GDF2: variants seen among roughly 807,000 people sequenced by gnomAD.
GDF2 encodes the protein growth/differentiation factor 2.
Under a neutral mutation model 16.9 loss-of-function variants are expected in GDF2, and 17 were observed. The ratio of observed to expected loss-of-function variants is 1.00; its 90% CI spans 0.69 to 1.51. The LOEUF is 1.51. Among genes scored for constraint, GDF2 ranks in the 40% most tolerant of loss-of-function variants. GDF2 has a pLI of 0.00. For missense variants in GDF2, 523 were observed against 556.3 expected (o/e 0.94, Z 0.60); for synonymous variants, 276 against 237.6 (o/e 1.16, Z -1.49).
chr10:47,323,364 C>T (rs1297271174), intron 1 of GDF2, among the ~76,000 whole-genome samples: 1 of 152,150 alleles, frequency 6.6e-6, no homozygotes, highest in Non-Finnish European at 1.5e-5. Flanking sequence ...CTTCTCTTTA[C>T]TCTCCTCTTC....
In GDF2 at chr10:47,322,660, G is replaced by C; in HGVS notation, c.-9G>C. The C allele has an allele frequency of 3.3e-6, 5 of 1,501,846 alleles. No individual in the cohort carries two copies. In the South Asian group the frequency reaches 6.7e-5, roughly 20 times the overall value. 93.0% of individuals were successfully genotyped at this position (1,501,846 alleles called of 1,614,324 possible). A position where few individuals can be genotyped will look rare whatever the true frequency, so the allele number is the denominator to read the frequency against. ...CAGTCTCCTCTCTGGGTGATTGCGC[G>C]GGCCTAAGATGTGTCCTGGGGCACT... On this transcript the variant is annotated 5_prime_UTR_variant, in exon 1 of 2. Coordinates refer to ENST00000581492, the MANE Select transcript of GDF2 (RefSeq NM_016204.4).
chr10:47,326,711 A>G lies in GDF2; in HGVS notation c.*927A>G, dbSNP rs543897236. 7.9e-5 allele frequency among the ~76,000 whole-genome samples: 12 copies of G among 152,316 alleles called. No individual in the cohort carries two copies. The highest frequency in any genetic ancestry group is 1.3e-4 in the Non-Finnish European group (9 of 68,024). On this transcript the variant is annotated 3_prime_UTR_variant, in exon 2 of 2. Transcript: ENST00000581492. Reference sequence around the variant, plus strand: ...GTGCACACAGGGCCATTCACTGTCCATAGACTGAAACCATGTGACCATTTG... The same window carrying G: ...GTGCACACAGGGCCATTCACTGTCCGTAGACTGAAACCATGTGACCATTTG...
In GDF2 at chr10:47,322,864, T is replaced by G. The variant is rs1201804010; in HGVS notation, c.196T>G (p.Phe66Val). ...KMFLENVKVD[F>V]LRSLNLSGVP... ...GTTTCTGGAGAACGTGAAGGTGGATTTCCTGCGCAGCCTTAACCTGAGTGG... is the reference window on the plus strand; with the variant it reads ...GTTTCTGGAGAACGTGAAGGTGGATGTCCTGCGCAGCCTTAACCTGAGTGG... The change falls in exon 1 of 2, where the codon TTC (phenylalanine) becomes GTC (valine). Residue 66 changes from phenylalanine to valine, a missense_variant. Coordinates refer to ENST00000581492, the MANE Select transcript of GDF2 (RefSeq NM_016204.4). The G allele has an allele frequency of 6.2e-7, 1 of 1,614,044 alleles. No individual in the cohort carries two copies. Among genetic ancestry groups the G allele is most frequent in the African/African-American group, 1.3e-5 (1 of 74,944 alleles).
In GDF2 at chr10:47,322,522, C is replaced by T. The variant is rs782217688; in HGVS notation, c.-147C>T. 19 of 591,558 alleles carry T rather than the reference C, an allele frequency of 3.2e-5. No homozygotes were observed. The highest frequency in any genetic ancestry group is 4.9e-5 in the Non-Finnish European group (17 of 348,412). 36.6% of individuals were successfully genotyped at this position (591,558 alleles called of 1,614,324 possible). On this transcript the variant is annotated 5_prime_UTR_variant, in exon 1 of 2. Coordinates refer to ENST00000581492, the MANE Select transcript of GDF2 (RefSeq NM_016204.4). ...AGTGGAGGACAATCCAGCCCGGCAG[C>T]GGGTGAGAGTGGGTGCTGGCCAGGA...
rs915440591 is a variant in GDF2, at chr10:47,323,015, G to T, written c.346+1G>T. The T allele has an allele frequency of 2.5e-6, 4 of 1,588,466 alleles. No homozygotes were observed. The highest frequency in any genetic ancestry group is 3.4e-6 in the Non-Finnish European group (4 of 1,161,262). On this transcript the variant is annotated splice_donor_variant, in intron 1 of 1. Coordinates refer to ENST00000581492, the MANE Select transcript of GDF2 (RefSeq NM_016204.4). LOFTEE classifies it high-confidence loss of function. ...ATTGTGCGGAGCTTCAGCATGGAAG[G>T]TAGGGTCTCCGCTTGCACCATGCGC...
In GDF2 at chr10:47,323,016, T is replaced by A; in HGVS notation, c.346+2T>A. The A allele has an allele frequency of 6.3e-7, 1 of 1,587,404 alleles. No homozygotes were observed. Among genetic ancestry groups the A allele is most frequent in the Non-Finnish European group, 8.6e-7 (1 of 1,160,676 alleles). On this transcript the variant is annotated splice_donor_variant, in intron 1 of 1. Transcript: ENST00000581492. LOFTEE classifies it high-confidence loss of function. ...TTGTGCGGAGCTTCAGCATGGAAGGTAGGGTCTCCGCTTGCACCATGCGCG... is the reference window on the plus strand; with the variant it reads ...TTGTGCGGAGCTTCAGCATGGAAGGAAGGGTCTCCGCTTGCACCATGCGCG...
rs566684374 is a variant in GDF2, at chr10:47,327,083, C to T, written c.*1299C>T. ...TTGAGTCACGTGCATCCCAGCACCC[C>T]GCCTGGGCTCGGACTGTGGGACCAG... On this transcript the variant is annotated 3_prime_UTR_variant, in exon 2 of 2. Transcript: ENST00000581492. Among the ~76,000 whole-genome samples the T allele has an allele frequency of 1.3e-4, 20 of 152,332 alleles. No individual in the cohort carries two copies. The South Asian group carries it at 3.3e-3, about 25-fold the overall frequency.
intron 1 of GDF2, among the ~76,000 whole-genome samples, chr10:47,323,924 C>T (rs1588851344): frequency 6.6e-6 from 1 of 152,364 alleles, no homozygotes; most frequent in East Asian, 1.9e-4. Context: ...CATACCACGC[C>T]CAGGCCAGAC....
chr10:47,325,682 C>A lies in GDF2; in HGVS notation c.1188C>A (p.Thr396=), dbSNP rs1555209087. The A allele has an allele frequency of 1.2e-6, 2 of 1,608,944 alleles. No homozygotes were observed. Among genetic ancestry groups the A allele is most frequent in the Admixed American group, 3.3e-5 (2 of 59,830 alleles). ...TGGGCAAGGCCTGCTGTGTGCCCAC[C>A]AAACTGAGCCCCATCTCCGTCCTCT... ...TKVGKACCVP[T]KLSPISVLYK... The change falls in exon 2 of 2, where the codon ACC becomes ACA. Residue 396 remains threonine, a synonymous_variant. Transcript: ENST00000581492.
In GDF2 at chr10:47,322,801, G is replaced by A; in HGVS notation, c.133G>A (p.Gly45Arg). The A allele has an allele frequency of 3.1e-6, 5 of 1,613,872 alleles. No homozygotes were observed. Among genetic ancestry groups the A allele is most frequent in the Non-Finnish European group, 4.2e-6 (5 of 1,179,884 alleles). ...GNAHSPLGVP[G>R]GGLPEHTFNL... is the part of the protein sequence containing the mutation. ...CGCCCACAGCCCACTGGGGGTGCCT[G>A]GAGGTGGGCTGCCTGAGCACACCTT... The change falls in exon 1 of 2, where the codon GGA becomes AGA. Residue 45 changes from glycine (G) to arginine (R), a missense_variant. By Grantham distance (125) the Gly-to-Arg change is moderately radical. Coordinates refer to ENST00000581492, the MANE Select transcript of GDF2 (RefSeq NM_016204.4).
Position 47,326,015 on chromosome 10 carries a change from T to G in GDF2, c.*231T>G. The stretch of plus-strand genomic sequence containing the variant: ...CAACAGGAAAGCCTGGGAGGGTTGT[T>G]GGGATGCAAGGAGGTGATGAAAAGG... On this transcript the variant is annotated 3_prime_UTR_variant, in exon 2 of 2. Coordinates refer to ENST00000581492, the MANE Select transcript of GDF2 (RefSeq NM_016204.4). 2.3e-6 allele frequency: 1 copy of G among 437,076 alleles called. No homozygotes were observed. The highest frequency in any genetic ancestry group is 3.3e-5 in the East Asian group (1 of 30,300). 27.1% of individuals were successfully genotyped at this position (437,076 alleles called of 1,614,324 possible).
Position 47,322,915 on chromosome 10 carries a change from G to A in GDF2, c.247G>A (p.Val83Met). The A allele has an allele frequency of 6.2e-7, 1 of 1,614,160 alleles. No individual in the cohort carries two copies. ...GGTCCCTTCGCAGGACAAAACCAGGGTGGAGCCGCCGCAGTACATGATTGA... is the reference window on the plus strand; with the variant it reads ...GGTCCCTTCGCAGGACAAAACCAGGATGGAGCCGCCGCAGTACATGATTGA... Reference protein sequence around the residue: ...SGVPSQDKTRVEPPQYMIDLY... With the variant: ...SGVPSQDKTRMEPPQYMIDLY... The change falls in exon 1 of 2, where the codon GTG becomes ATG. Residue 83 changes from valine to methionine, a missense_variant. Val to Met is a conservative substitution (Grantham distance 21). Coordinates refer to ENST00000581492, the MANE Select transcript of GDF2 (RefSeq NM_016204.4).
In GDF2 at chr10:47,325,971, G is replaced by A. The variant is rs952690398; in HGVS notation, c.*187G>A. 38 of 500,270 alleles carry A rather than the reference G, an allele frequency of 7.6e-5. No homozygotes were observed. Among genetic ancestry groups the A allele is most frequent in the African/African-American group, 7.0e-4 (37 of 52,738 alleles). The allele number at this position is 500,270 out of a possible 1,614,324, so 31.0% of individuals were successfully genotyped here. On this transcript the variant is annotated 3_prime_UTR_variant, in exon 2 of 2. Coordinates refer to ENST00000581492, the MANE Select transcript of GDF2 (RefSeq NM_016204.4). ...GAGCTCAACTGCCAGGGAAGGCTAA[G>A]GAAATGGGGATTTGAGCACAACAGG...
rs1555208738 is a variant in GDF2 at position 47,322,996 on chromosome 10, C to A, written c.328C>A (p.Arg110=). Residue 110 remains arginine, a synonymous_variant, in exon 1 of 2, where the codon CGG becomes AGG. Transcript: ENST00000581492. ...GACTACGCCAGCGTCCAACATTGTGCGGAGCTTCAGCATGGAAGGTAGGGT... is the reference window on the plus strand; with the variant it reads ...GACTACGCCAGCGTCCAACATTGTGAGGAGCTTCAGCATGGAAGGTAGGGT... ...KSTTPASNIV[R]SFSMEDAISI... is the part of the protein sequence containing the mutation. 6.3e-7 allele frequency: 1 copy of A among 1,595,302 alleles called. No individual in the cohort carries two copies. The highest frequency in any genetic ancestry group is 1.7e-5 in the Admixed American group (1 of 59,640).
rs1023303066 is a variant in GDF2 at position 47,322,794 on chromosome 10, G to T, written c.126G>T (p.Gly42=). The T allele has an allele frequency of 1.2e-6, 2 of 1,613,646 alleles. No homozygotes were observed. Among genetic ancestry groups the T allele is most frequent in the Non-Finnish European group, 1.7e-6 (2 of 1,179,870 alleles). ...SAGGNAHSPL[G]VPGGGLPEHT... is the part of the protein sequence containing the mutation. The stretch of plus-strand genomic sequence containing the variant: ...GGGGAAACGCCCACAGCCCACTGGG[G>T]GTGCCTGGAGGTGGGCTGCCTGAGC... The change falls in exon 1 of 2, where the codon GGG becomes GGT. Residue 42 remains glycine, a synonymous_variant. Coordinates refer to ENST00000581492, the MANE Select transcript of GDF2 (RefSeq NM_016204.4).
chr10:47,324,185 A>G (rs1412416002), intron 1 of GDF2, among the ~76,000 whole-genome samples: 1 of 152,240 alleles, frequency 6.6e-6, no homozygotes, highest in African/African-American at 2.4e-5. Context: ...TGACAAAGCA[A>G]TTGAAGCTAA....
rs782438683 is a variant in GDF2, at chr10:47,325,125, G to A, written c.631G>A (p.Val211Met). 3.3e-5 allele frequency: 54 copies of A among 1,613,858 alleles called. No homozygotes were observed. The highest frequency in any genetic ancestry group is 5.0e-5 in the Admixed American group (3 of 60,016). ...GWETLEVSSA[V>M]KRWVRSDSTK... ...GGAGACCTTGGAAGTGTCCAGCGCC[G>A]TGAAGCGCTGGGTCCGGTCCGACTC... The change falls in exon 2 of 2, where the codon GTG (valine) becomes ATG (methionine). Residue 211 changes from valine (V) to methionine (M), a missense_variant. Physicochemically the swap from Val to Met is conservative, Grantham distance 21 (BLOSUM62 1). Transcript: ENST00000581492.
rs2061109288 is a variant in GDF2 at position 47,326,829 on chromosome 10, T to C, written c.*1045T>C. On this transcript the variant is annotated 3_prime_UTR_variant, in exon 2 of 2. Coordinates refer to ENST00000581492, the MANE Select transcript of GDF2 (RefSeq NM_016204.4). Reference sequence around the variant, plus strand: ...GCATAGCCAGCTCACCAGCATGCCATGCCCAGGGTGCCCCCCAGTGACAAC... The same window carrying C: ...GCATAGCCAGCTCACCAGCATGCCACGCCCAGGGTGCCCCCCAGTGACAAC... Among the ~76,000 whole-genome samples, 1 of 152,252 alleles carries C rather than the reference T, an allele frequency of 6.6e-6. No individual in the cohort carries two copies. Among genetic ancestry groups the C allele is most frequent in the South Asian group, 2.1e-4 (1 of 4,836 alleles).
At position 47,325,908 on chromosome 10, in the gene GDF2, C is replaced by A. The variant is rs1055461041; in HGVS notation, c.*124C>A. 10 of 694,254 alleles carry A rather than the reference C, an allele frequency of 1.4e-5. No homozygotes were observed. The African/African-American group carries it at 1.8e-4, about 12-fold the overall frequency. 43.0% of individuals were successfully genotyped at this position (694,254 alleles called of 1,614,324 possible). Reference sequence around the variant, plus strand: ...AGCCTGGAGGAGGAAAGGGAGCCTGCTCTCCCTCCCCACACCCCACCCAAA... The same window carrying A: ...AGCCTGGAGGAGGAAAGGGAGCCTGATCTCCCTCCCCACACCCCACCCAAA... On this transcript the variant is annotated 3_prime_UTR_variant, in exon 2 of 2. Coordinates refer to ENST00000581492, the MANE Select transcript of GDF2 (RefSeq NM_016204.4).
Sources: allele counts gnomAD v4.1 joint callset (sites outside exome capture counted in the v4.1 genomes callset), GRCh38; gene constraint gnomAD v4.1.1; transcripts MANE v1.5; gene names NCBI Gene and HGNC (gene_info 2026-07-23, HGNC 2026-07-21).